The following PTPRG variants were observed in gnomAD, a reference collection of about 807,000 sequenced individuals.
PTPRG encodes the protein protein tyrosine phosphatase receptor type G.
In PTPRG, 102 loss-of-function variants were observed where a neutral mutation model predicts 165.3. The observed-to-expected ratio is 0.62, with a 90% confidence interval of 0.53 to 0.73. The LOEUF (loss-of-function observed/expected upper bound fraction) is 0.73, where lower values mean the gene tolerates loss of function less well. PTPRG is among the 30% of genes least tolerant of loss of function. The pLI is 0.00. For missense variants in PTPRG, 1,866 were observed against 1,861.4 expected, an observed-to-expected ratio of 1.00 and a Z score of -0.05; for synonymous variants, 675 against 669.5, an observed-to-expected ratio of 1.01 and a Z score of -0.13.
At chr3:61,988,951 C>T (rs972794672) in intron 2 of PTPRG, among the ~76,000 whole-genome samples, 2 of 151,856 alleles carry the variant, frequency 1.3e-5, no homozygotes, top group Admixed American at 1.3e-4. Context: ...GGCATATGTC[C>T]CCCCAAATTC....
chr3:61,952,923 A>G (rs1233661472), intron 2 of PTPRG, among the ~76,000 whole-genome samples: 1 of 152,188 alleles, frequency 6.6e-6, no homozygotes, highest in East Asian at 1.9e-4. Flanking sequence ...TGTTGTCTAC[A>G]CAGAAAATCT....
chr3:61,563,064 A>G (rs1699805154), intron 1 of PTPRG, among the ~76,000 whole-genome samples: 2 of 151,382 alleles, frequency 1.3e-5, no homozygotes, highest in Admixed American at 1.3e-4. Context: ...TGTCTCCCCT[A>G]GCCCCGGCCC....
At chr3:61,860,977 C>T (rs1011089916) in intron 2 of PTPRG, among the ~76,000 whole-genome samples, 1 of 152,054 alleles carries the variant, frequency 6.6e-6, no homozygotes, top group Admixed American at 6.6e-5. Flanking sequence ...CATCTCTGTC[C>T]CCAACCCGGG....
intron 2 of PTPRG, among the ~76,000 whole-genome samples, chr3:61,794,934 A>G (rs2035000015): frequency 6.6e-6 from 1 of 152,202 alleles, no homozygotes; most frequent in South Asian, 2.1e-4. Context: ...GTTAAAATAA[A>G]TGAATACTAA....
chr3:61,696,003 T>C (rs1331554601), intron 1 of PTPRG, among the ~76,000 whole-genome samples: 1 of 152,136 alleles, frequency 6.6e-6, no homozygotes, highest in Non-Finnish European at 1.5e-5. Context: ...TTTGACAACA[T>C]TCTGTGGCAC....
intron 2 of PTPRG, among the ~76,000 whole-genome samples, chr3:61,821,030 G>A (rs1476055267): frequency 6.6e-6 from 1 of 151,826 alleles, no homozygotes; most frequent in Non-Finnish European, 1.5e-5. Context: ...TCTACATTTT[G>A]CAGTATTCTC....
At chr3:61,949,349 G>C (rs374262579) in intron 2 of PTPRG, among the ~76,000 whole-genome samples, 2 of 152,108 alleles carry the variant, frequency 1.3e-5, no homozygotes, top group East Asian at 1.9e-4. Flanking sequence ...ATGTTTTGAG[G>C]GGTGCAATAT....
At chr3:62,120,822 G>T (rs1189466473) in intron 5 of PTPRG, among the ~76,000 whole-genome samples, 1 of 152,042 alleles carries the variant, frequency 6.6e-6, no homozygotes, top group Non-Finnish European at 1.5e-5. Flanking sequence ...ACTGAATTTA[G>T]TTCAGGACTC....
chr3:61,790,973 G>T (rs974085693), intron 2 of PTPRG, among the ~76,000 whole-genome samples: 1 of 152,114 alleles, frequency 6.6e-6, no homozygotes, highest in Non-Finnish European at 1.5e-5. Context: ...TAATTAAAAT[G>T]AATTATCAGT....
At chr3:61,640,646 G>T (rs1437411727) in intron 1 of PTPRG, among the ~76,000 whole-genome samples, 1 of 152,174 alleles carries the variant, frequency 6.6e-6, no homozygotes, top group East Asian at 1.9e-4. Context: ...AGAGTCTAAT[G>T]GTTGCCATTA....
intron 1 of PTPRG, among the ~76,000 whole-genome samples, chr3:61,712,904 CAG>C (rs2031633430): frequency 6.6e-6 from 1 of 152,108 alleles, no homozygotes; most frequent in South Asian, 2.1e-4. Flanking sequence ...TTTTTTGAGT[CAG>C]TACACAGTGG....
intron 1 of PTPRG, among the ~76,000 whole-genome samples, chr3:61,591,492 G>T (rs1262273103): frequency 6.6e-6 from 1 of 152,184 alleles, no homozygotes; most frequent in Non-Finnish European, 1.5e-5. Flanking sequence ...TCTTCCCTCT[G>T]TTGTTAAGGG....
intron 2 of PTPRG, among the ~76,000 whole-genome samples, chr3:61,929,580 A>G (rs1382433359): frequency 6.6e-6 from 1 of 152,198 alleles, no homozygotes; most frequent in Non-Finnish European, 1.5e-5. Flanking sequence ...TTCATTGTGG[A>G]TTACTGCCCA....
chr3:62,027,670 G>A (rs1385260639), intron 4 of PTPRG, among the ~76,000 whole-genome samples: 1 of 152,172 alleles, frequency 6.6e-6, no homozygotes, highest in Non-Finnish European at 1.5e-5. Flanking sequence ...AGCTTAATCA[G>A]ATTTTAACCT....
At chr3:61,977,889 A>G (rs1004057580) in intron 2 of PTPRG, among the ~76,000 whole-genome samples, 1 of 152,220 alleles carries the variant, frequency 6.6e-6, no homozygotes, top group Non-Finnish European at 1.5e-5. Context: ...GGGTTTTTCA[A>G]TTAAAAATGT....
intron 15 of PTPRG, among the ~76,000 whole-genome samples, chr3:62,244,583 T>A (rs1299793843): frequency 6.6e-6 from 1 of 152,162 alleles, no homozygotes; most frequent in East Asian, 1.9e-4. Flanking sequence ...TTTAGATACA[T>A]CTATCCTCTT....
intron 1 of PTPRG, among the ~76,000 whole-genome samples, chr3:61,603,770 G>T (rs1179374063): frequency 6.6e-6 from 1 of 152,138 alleles, no homozygotes; most frequent in Non-Finnish European, 1.5e-5. Context: ...TTGCCTTGCA[G>T]ATGTGGCTCC....
intron 5 of PTPRG, among the ~76,000 whole-genome samples, chr3:62,083,254 A>G (rs1345830711): frequency 7.4e-6 from 1 of 135,124 alleles, no homozygotes; most frequent in Non-Finnish European, 1.5e-5. Flanking sequence ...GGTTTTTGCC[A>G]TTACTTTTTT....
intron 2 of PTPRG, among the ~76,000 whole-genome samples, chr3:61,758,501 G>T (rs987327283): frequency 6.6e-6 from 1 of 152,122 alleles, no homozygotes; most frequent in East Asian, 1.9e-4. Context: ...GCCCAGGCTG[G>T]AGTGAAGTGG....
Sources: allele counts gnomAD v4.1 joint callset (sites outside exome capture counted in the v4.1 genomes callset), GRCh38; gene constraint gnomAD v4.1.1; transcripts MANE v1.5; gene names NCBI Gene and HGNC (gene_info 2026-07-23, HGNC 2026-07-21).